The following DCP1A variants were observed in gnomAD, a reference collection of about 807,000 sequenced individuals.
DCP1A encodes decapping mRNA 1A.
Under a neutral mutation model 58.0 loss-of-function variants are expected in DCP1A, and 20 were observed. The ratio of observed to expected loss-of-function variants is 0.34; its 90% CI spans 0.24 to 0.50. The LOEUF (loss-of-function observed/expected upper bound fraction) is 0.50. Among genes scored for constraint, DCP1A ranks in the 20% least tolerant of loss-of-function variants. The probability of loss-of-function intolerance (pLI) is 0.98; values close to 1 mark genes in which losing one functional copy is unlikely to be tolerated. For synonymous variants in DCP1A, 285 were observed against 275.1 expected (o/e 1.04, Z -0.36); for missense variants, 613 against 712.2 (o/e 0.86, Z 1.59).
rs549490677 is a variant in DCP1A, at chr3:53,306,792, G to T, written c.511-2502C>A. Among the ~76,000 whole-genome samples, 15 of 126,910 alleles carry T rather than the reference G, an allele frequency of 1.2e-4. No homozygotes were observed. In the South Asian group the frequency reaches 3.2e-3, roughly 27 times the overall value. 83.3% of individuals were successfully genotyped at this position (126,910 alleles called of 152,430 possible). On this transcript the variant is annotated intron_variant, in intron 5 of 9. Transcript: ENST00000610213. ...TCTCAAAAAAAAAAAAAAAAAAAAA[G>T]CCAGCCTGACCAACATGGTGGAGGC...
chr3:53,319,170 T>A (rs1553689591), intron 4 of DCP1A, among the ~76,000 whole-genome samples: 1 of 152,198 alleles, frequency 6.6e-6, no homozygotes, highest in Admixed American at 6.5e-5. Flanking sequence ...CACACACATC[T>A]ACTTAATATA....
chr3:53,338,205 G>GA (rs1361414283), intron 3 of DCP1A: 20 of 426,576 alleles, frequency 4.7e-5, no homozygotes, highest in Non-Finnish European at 9.0e-5. Context: ...AATAACTCCA[G>GA]AATTTATAAC....
chr3:53,291,401 T>G (rs1417451199), intron 7 of DCP1A, among the ~76,000 whole-genome samples: 1 of 152,128 alleles, frequency 6.6e-6, no homozygotes, highest in African/African-American at 2.4e-5. Context: ...CACCCTGTTG[T>G]GTTATTAAAT....
chr3:53,331,352 C>T (rs1278344420), intron 3 of DCP1A, among the ~76,000 whole-genome samples: 2 of 152,176 alleles, frequency 1.3e-5, no homozygotes, highest in Non-Finnish European at 2.9e-5. Flanking sequence ...ACAAATGCTG[C>T]TTTGGTCAGT....
At chr3:53,337,666 T>C (rs963034801) in intron 3 of DCP1A, among the ~76,000 whole-genome samples, 5 of 152,180 alleles carry the variant, frequency 3.3e-5, no homozygotes, top group Non-Finnish European at 5.9e-5. Context: ...TATCTAGAAA[T>C]CATTTGTAAG....
chr3:53,318,104 G>C (rs138667669), intron 4 of DCP1A, among the ~76,000 whole-genome samples: 1 of 152,288 alleles, frequency 6.6e-6, no homozygotes, highest in East Asian at 1.9e-4. Flanking sequence ...AGGACTTCAA[G>C]ACCAGTTTGG....
At position 53,285,046 on chromosome 3, in the gene DCP1A, C is replaced by A. The variant is rs568778287; in HGVS notation, c.*2534G>T. The A allele has an allele frequency of 1.1e-4, 16 of 152,340 alleles. No homozygotes were observed. The highest frequency in any genetic ancestry group is 3.6e-4 in the African/African-American group (15 of 41,538). 9.4% of individuals were successfully genotyped at this position (152,340 alleles called of 1,614,324 possible). Reference sequence around the variant, plus strand: ...ACAAAAAGAAGAGCAGCACCACCCACCAGTGGTGCCCCAGACACACCTCTC... The same window carrying A: ...ACAAAAAGAAGAGCAGCACCACCCAACAGTGGTGCCCCAGACACACCTCTC... On this transcript the variant is annotated 3_prime_UTR_variant, in exon 10 of 10. Coordinates refer to ENST00000610213, the MANE Select transcript of DCP1A (RefSeq NM_018403.7).
Position 53,304,242 on chromosome 3 carries a change from TGCTTG to T in DCP1A, c.554_558del (p.Pro185HisfsTer22). 6.2e-7 allele frequency: 1 copy of T among 1,613,882 alleles called. No individual in the cohort carries two copies. The highest frequency in any genetic ancestry group is 8.5e-7 in the Non-Finnish European group (1 of 1,179,848). On this transcript the variant is annotated frameshift_variant, in exon 6 of 10. Transcript: ENST00000610213. LOFTEE classifies it high-confidence loss of function. Reference sequence around the variant, plus strand: ...GTGCTTCCCAGATTGGAGAGCTGAGTGCTTGGCTGTAACCCAGGGCTGGAGATATT... The same window carrying T: ...GTGCTTCCCAGATTGGAGAGCTGAGTGCTGTAACCCAGGGCTGGAGATATT...
In DCP1A at chr3:53,292,661, T is replaced by C. The variant is rs1559681067; in HGVS notation, c.791A>G (p.Gln264Arg). 10 of 1,613,602 alleles carry C rather than the reference T, an allele frequency of 6.2e-6. No homozygotes were observed. The Middle Eastern group carries it at 6.6e-4, about 106-fold the overall frequency. ...PNSFLPFPFEQLGGAPQSETL... is the reference protein window; with the variant it reads ...PNSFLPFPFERLGGAPQSETL... ...TTCTGATTGAGGGGCTCCTCCTAAC[T>C]GCTCAAAGGGAAATGGTAGGAATGA... The change falls in exon 7 of 10, where the codon CAG becomes CGG. Residue 264 changes from glutamine (Q) to arginine (R), a missense_variant. Gln to Arg is a conservative substitution (Grantham distance 43). Around this residue, in one of 3 missense-constraint regions of DCP1A, gnomAD observed 498 missense variants for 556.7 expected, o/e 0.89. Transcript: ENST00000610213.
At chr3:53,287,687 T>A in intron 9 of DCP1A, 27 bp from the exon 10 acceptor site, 1 of 1,513,764 alleles carries the variant, frequency 6.6e-7, no homozygotes, top group Non-Finnish European at 9.2e-7. Context: ...AGGTTAAGGA[T>A]ACGAATGCCA....
chr3:53,338,337 C>T (rs782410020), intron 3 of DCP1A, among the ~76,000 whole-genome samples: 5 of 152,136 alleles, frequency 3.3e-5, no homozygotes, highest in African/African-American at 1.2e-4. Context: ...CATGCTAGCA[C>T]TTCGGGAGGC....
At chr3:53,330,997 T>G (rs2088988329) in intron 3 of DCP1A, among the ~76,000 whole-genome samples, 1 of 152,004 alleles carries the variant, frequency 6.6e-6, no homozygotes, top group Non-Finnish European at 1.5e-5. Flanking sequence ...TAGCTGGGAC[T>G]GCAGGTGCGT....
chr3:53,334,130 G>A (rs1194958278), intron 3 of DCP1A, among the ~76,000 whole-genome samples: 5 of 152,070 alleles, frequency 3.3e-5, no homozygotes, highest in African/African-American at 1.2e-4. Context: ...TGGGAGTGGT[G>A]GCGTGCACTT....
intron 4 of DCP1A, 116 bp from the exon 5 acceptor site, chr3:53,312,495 CTTTTTTT>C (rs879948145): frequency 1.1e-5 from 6 of 526,026 alleles, no homozygotes; most frequent in South Asian, 2.8e-5. Context: ...TGACATTCTT[CTTTTTTT>C]TTTTTTTTTT....
intron 3 of DCP1A, among the ~76,000 whole-genome samples, chr3:53,335,241 A>G (rs1381182214): frequency 5.2e-4 from 79 of 151,978 alleles, no homozygotes; most frequent in Non-Finnish European, 4.4e-5. Flanking sequence ...CCCGGGTTCA[A>G]GCGATTTTCC....
Position 53,286,749 on chromosome 3 carries a change from A to G in DCP1A, c.*831T>C, listed in dbSNP as rs895995038. 6.6e-6 allele frequency: 1 copy of G among 152,258 alleles called. No individual in the cohort carries two copies. The highest frequency in any genetic ancestry group is 1.5e-5 in the Non-Finnish European group (1 of 68,050). The allele number at this position is 152,258 out of a possible 1,614,324, so 9.4% of individuals were successfully genotyped here. A position where few individuals can be genotyped will look rare whatever the true frequency, so the allele number is the denominator to read the frequency against. On this transcript the variant is annotated 3_prime_UTR_variant, in exon 10 of 10. Transcript: ENST00000610213. ...GTTAAGGAAAACAATCAACAATGAC[A>G]GAAAAGGAAAATAAGGCTGTGCTTC...
At chr3:53,340,848 G>C (rs1553692443) in intron 3 of DCP1A, among the ~76,000 whole-genome samples, 2 of 152,156 alleles carry the variant, frequency 1.3e-5, no homozygotes, top group Non-Finnish European at 2.9e-5. Flanking sequence ...ATCGTTATTA[G>C]AGATTGTAAA....
At position 53,284,239 on chromosome 3, in the gene DCP1A, T is replaced by C. The variant is rs1553684814; in HGVS notation, c.*3341A>G. ...ACAGTATGATGGCTGATTTTGTTTTTTGAGCAGTTAGGCACCTTCAATTTC... is the reference window on the plus strand; with the variant it reads ...ACAGTATGATGGCTGATTTTGTTTTCTGAGCAGTTAGGCACCTTCAATTTC... On this transcript the variant is annotated 3_prime_UTR_variant, in exon 10 of 10. Transcript: ENST00000610213. 1 of 152,244 alleles carries C rather than the reference T, an allele frequency of 6.6e-6. No individual in the cohort carries two copies. The highest frequency in any genetic ancestry group is 2.4e-5 in the African/African-American group (1 of 41,448). The allele number at this position is 152,244 out of a possible 1,614,324, so 9.4% of individuals were successfully genotyped here.
chr3:53,308,718 G>A (rs1443426041), intron 5 of DCP1A, among the ~76,000 whole-genome samples: 15 of 151,788 alleles, frequency 9.9e-5, no homozygotes, highest in African/African-American at 2.2e-4. Flanking sequence ...CTCAGCCTCC[G>A]GAGTAGCTGG....
Sources: gnomAD v4.1 joint callset for allele counts (sites outside exome capture counted in the v4.1 genomes callset) on GRCh38, gnomAD v4.1.1 for gene constraint, gnomAD v4.1.1 regional missense constraint, MANE v1.5 for transcripts, NCBI Gene and HGNC (gene_info 2026-07-23, HGNC 2026-07-21) for gene names.